Variants in ZC3H3 observed in about 807,000 individuals in gnomAD.
The protein encoded by ZC3H3 is zinc finger CCCH domain-containing protein 3.
A neutral mutation model predicts 77.3 loss-of-function variants in ZC3H3; 36 were observed. That is an observed-to-expected ratio of 0.47 (90% CI 0.36 to 0.61). ZC3H3 has a LOEUF of 0.61. Ranked by LOEUF, ZC3H3 falls within the 20% of genes least tolerant of loss-of-function variation. The probability of loss-of-function intolerance (pLI) is 0.00; values close to 1 mark genes in which losing one functional copy is unlikely to be tolerated. For synonymous variants in ZC3H3, 626 were observed against 555.2 expected, an observed-to-expected ratio of 1.13 and a Z score of -1.79; for missense variants, 1,331 against 1,312.2, an observed-to-expected ratio of 1.01 and a Z score of -0.22.
At chr8:143,467,310 C>T (rs776514230) in intron 8 of ZC3H3, among the ~76,000 whole-genome samples, 3 of 152,164 alleles carry the variant, frequency 2.0e-5, no homozygotes, top group South Asian at 4.1e-4. Context: ...GTTTGCACCC[C>T]GCCACGTCCA....
rs1043283651 is a variant in ZC3H3 at position 143,501,510 on chromosome 8, T to C, written c.1715+6236A>G. 3.3e-5 allele frequency among the ~76,000 whole-genome samples: 5 copies of C among 151,504 alleles called. No homozygotes were observed. In the South Asian group the frequency reaches 8.4e-4, roughly 25 times the overall value. On this transcript the variant is annotated intron_variant, in intron 4 of 11. Transcript: ENST00000262577. ...TGAGCCACCACGCCTGGCCACAGGG[T>C]GCTGGTTTTACATAAGGATTCATCC... is the stretch of plus-strand genomic sequence containing the variant.
At chr8:143,486,395 C>T (rs1821054071) in intron 4 of ZC3H3, among the ~76,000 whole-genome samples, 2 of 152,236 alleles carry the variant, frequency 1.3e-5, no homozygotes, top group South Asian at 4.1e-4. Context: ...GTCTCCCTTC[C>T]TGGCTTGTAC....
chr8:143,484,903 G>C (rs1370691720), intron 4 of ZC3H3: 1 of 455,466 alleles, frequency 2.2e-6, no homozygotes, highest in South Asian at 1.6e-5. Context: ...GAAAGGCGTG[G>C]TGACCTCAGC....
At chr8:143,518,497 G>A (rs185797720) in intron 3 of ZC3H3, among the ~76,000 whole-genome samples, 1 of 152,370 alleles carries the variant, frequency 6.6e-6, no homozygotes, top group East Asian at 1.9e-4. Context: ...GAAACGACGT[G>A]TCCCGCTCAG....
At chr8:143,527,827 A>C (rs1347904350) in intron 3 of ZC3H3, among the ~76,000 whole-genome samples, 1 of 152,180 alleles carries the variant, frequency 6.6e-6, no homozygotes. Flanking sequence ...ACCGGGCCAA[A>C]GCACCCAAAG....
intron 9 of ZC3H3, among the ~76,000 whole-genome samples, chr8:143,444,823 C>T (rs1819827698): frequency 6.6e-6 from 1 of 152,054 alleles, no homozygotes; most frequent in Non-Finnish European, 1.5e-5. Context: ...TATTGGGGTC[C>T]TATCCAAGGC....
intron 3 of ZC3H3, among the ~76,000 whole-genome samples, chr8:143,527,425 G>A (rs541492409): frequency 1.8e-4 from 28 of 152,252 alleles, no homozygotes; most frequent in Admixed American, 1.3e-3. Context: ...CCCTGCCTGC[G>A]CAGCCCAGGT....
intron 4 of ZC3H3, among the ~76,000 whole-genome samples, chr8:143,498,362 G>A (rs1196772784): frequency 6.6e-6 from 1 of 152,216 alleles, no homozygotes; most frequent in African/African-American, 2.4e-5. Context: ...GGGGAATCAG[G>A]AGATCCCGGT....
chr8:143,448,084 C>T lies in ZC3H3; in HGVS notation c.2308-6964G>A, dbSNP rs1819902593. Among the ~76,000 whole-genome samples, 3 of 152,018 alleles carry T rather than the reference C, an allele frequency of 2.0e-5. No individual in the cohort carries two copies. In the South Asian group the frequency reaches 6.2e-4, roughly 32 times the overall value. On this transcript the variant is annotated intron_variant, in intron 9 of 11. Transcript: ENST00000262577. ...GGGGTTGCGGTGAGCTGAGAGAGTG[C>T]CATTGCGCTCCAGCCTGGGCAAAAA...
rs202015628 is a variant in ZC3H3 at position 143,536,403 on chromosome 8, C to T, written c.1415G>A (p.Ser472Asn). The T allele has an allele frequency of 3.9e-5, 61 of 1,568,144 alleles. No homozygotes were observed. In the African/African-American group the frequency reaches 8.0e-4, roughly 20 times the overall value. ...SGTSPAATAK[S>N]HLSLRRRQAL... ...CTGTCTCCGCCGGAGGCTGAGGTGGCTCTTGGCGGTGGCGGCAGGTGAGGT... is the reference window on the plus strand; with the variant it reads ...CTGTCTCCGCCGGAGGCTGAGGTGGTTCTTGGCGGTGGCGGCAGGTGAGGT... The change falls in exon 3 of 12, where the codon AGC becomes AAC. Residue 472 changes from serine to asparagine, a missense_variant. Ser to Asn is a conservative substitution (Grantham distance 46). Coordinates refer to ENST00000262577, the MANE Select transcript of ZC3H3 (RefSeq NM_015117.3).
chr8:143,483,631 C>T (rs1034495684), intron 4 of ZC3H3, among the ~76,000 whole-genome samples: 1 of 152,194 alleles, frequency 6.6e-6, no homozygotes, highest in African/African-American at 2.4e-5. Context: ...ATCTCAGGGG[C>T]AGGGCTAAAT....
rs551885921 is a variant in ZC3H3 at position 143,540,850 on chromosome 8, G to A, written c.46+526C>T. ...GCCTACCTGTAATCCCACGTACTCCGGAGGCTGAGGCAGGAGAATCACTCG... is the reference window on the plus strand; with the variant it reads ...GCCTACCTGTAATCCCACGTACTCCAGAGGCTGAGGCAGGAGAATCACTCG... On this transcript the variant is annotated intron_variant, in intron 1 of 11. Coordinates refer to ENST00000262577, the MANE Select transcript of ZC3H3 (RefSeq NM_015117.3). 2.6e-5 allele frequency among the ~76,000 whole-genome samples: 4 copies of A among 152,260 alleles called. No homozygotes were observed. In the South Asian group the frequency reaches 8.3e-4, roughly 32 times the overall value.
In ZC3H3 at chr8:143,538,983, T is replaced by C. The variant is rs773751974; in HGVS notation, c.384A>G (p.Lys128=). The change falls in exon 2 of 12, where the codon AAA becomes AAG. Residue 128 remains lysine, a synonymous_variant. Transcript: ENST00000262577. The part of the protein sequence containing the change: ...SQGQNVVIKV[K]PPSKSGSASA... ...TGGCAGAGCCAGACTTTGATGGCGG[T>C]TTAACTTTGATGACCACGTTCTGAC... 6.2e-7 allele frequency: 1 copy of C among 1,612,812 alleles called. No individual in the cohort carries two copies. The highest frequency in any genetic ancestry group is 8.5e-7 in the Non-Finnish European group (1 of 1,180,018).
chr8:143,471,375 G>A (rs1299240849), intron 5 of ZC3H3, among the ~76,000 whole-genome samples: 2 of 152,248 alleles, frequency 1.3e-5, no homozygotes, highest in East Asian at 3.8e-4. Flanking sequence ...GGGAGGGTGG[G>A]CAGGTGACCA....
intron 9 of ZC3H3, among the ~76,000 whole-genome samples, chr8:143,461,806 G>A (rs13259078): frequency 0.22 from 33,553 of 151,734 alleles, 4,357 homozygotes; most frequent in Non-Finnish European, 0.29. Context: ...TGAGTGTTAG[G>A]GGCCGGGACT....
rs1002361809 is a variant in ZC3H3 at position 143,441,072 on chromosome 8, C to A, written c.2356G>T (p.Ala786Ser). 1 of 1,470,074 alleles carries A rather than the reference C, an allele frequency of 6.8e-7. No homozygotes were observed. Among genetic ancestry groups the A allele is most frequent in the Admixed American group, 3.1e-5 (1 of 32,544 alleles). The allele number at this position is 1,470,074 out of a possible 1,614,324, so 91.1% of individuals were successfully genotyped here. A position where few individuals can be genotyped will look rare whatever the true frequency, so the allele number is the denominator to read the frequency against. Residue 786 changes from alanine to serine, a missense_variant, in exon 10 of 12, where the codon GCG (alanine) becomes TCG (serine). Ala to Ser is a moderately conservative substitution (Grantham distance 99, BLOSUM62 1). Around this residue, in one of 3 missense-constraint regions of ZC3H3, gnomAD observed 249 missense variants for 236.9 expected, o/e 1.05. Transcript: ENST00000262577. The stretch of plus-strand genomic sequence containing the variant: ...TGGCACTGGGCGCCGCGGGGACACG[C>A]CCCCCTGCGGGCAAAGTCGGGGCAC... ...LLCPDFARRGACPRGAQCQLL... is the reference protein window; with the variant it reads ...LLCPDFARRGSCPRGAQCQLL...
At chr8:143,499,065 G>A (rs889478285) in intron 4 of ZC3H3, among the ~76,000 whole-genome samples, 1 of 152,084 alleles carries the variant, frequency 6.6e-6, no homozygotes, top group Non-Finnish European at 1.5e-5. Context: ...CCGAAACCAC[G>A]CAAGCCGCAT....
chr8:143,529,307 C>T (rs1253770305), intron 3 of ZC3H3, among the ~76,000 whole-genome samples: 1 of 152,218 alleles, frequency 6.6e-6, no homozygotes, highest in Non-Finnish European at 1.5e-5. Context: ...CTGGTGCCTG[C>T]TCAGTGACAC....
At position 143,493,539 on chromosome 8, in the gene ZC3H3, G is replaced by A. The variant is rs1377517014; in HGVS notation, c.1715+14207C>T. Among the ~76,000 whole-genome samples, 3 of 152,194 alleles carry A rather than the reference G, an allele frequency of 2.0e-5. No homozygotes were observed. The highest frequency in any genetic ancestry group is 7.2e-5 in the African/African-American group (3 of 41,444). Reference sequence around the variant, plus strand: ...ATGCCAGCTCAGCCCTGCTGCCATGGGCACTGCCAAGGACTCCACTCACAA... The same window carrying A: ...ATGCCAGCTCAGCCCTGCTGCCATGAGCACTGCCAAGGACTCCACTCACAA... On this transcript the variant is annotated intron_variant, in intron 4 of 11. Transcript: ENST00000262577. This position sits in a 1 kb window ranked among gnomAD's most constrained non-coding sequence, Gnocchi z 4.8.
Sources: gnomAD v4.1 joint callset for allele counts (sites outside exome capture counted in the v4.1 genomes callset) on GRCh38, gnomAD v4.1.1 for gene constraint, gnomAD v4.1.1 regional missense constraint, Gnocchi (gnomAD v3.1) non-coding constraint, MANE v1.5 for transcripts, NCBI Gene and HGNC (gene_info 2026-07-23, HGNC 2026-07-21) for gene names.